The following MAP2K1 variants were observed in gnomAD, a reference collection of about 807,000 sequenced individuals.
MAP2K1 encodes dual specificity mitogen-activated protein kinase kinase 1.
In MAP2K1, 16 loss-of-function variants were observed where a neutral mutation model predicts 46.3. The ratio of observed to expected loss-of-function variants is 0.35; its 90% CI spans 0.23 to 0.52. The LOEUF (loss-of-function observed/expected upper bound fraction) is 0.52, where lower values mean the gene tolerates loss of function less well. Ranked by LOEUF, MAP2K1 falls within the 20% of genes least tolerant of loss-of-function variation. MAP2K1 has a pLI of 0.94. For synonymous variants in MAP2K1, 183 were observed against 185.6 expected (o/e 0.99, Z 0.11); for missense variants, 263 against 497.1 (o/e 0.53, Z 4.48).
chr15:66,480,061 C>T (rs1025933716), intron 5 of MAP2K1, among the ~76,000 whole-genome samples: 8 of 151,466 alleles, frequency 5.3e-5, no homozygotes, highest in East Asian at 3.9e-4. Flanking sequence ...TGCGCCACCA[C>T]GCTAATTTTT....
At chr15:66,430,520 C>T (rs554179765) in intron 1 of MAP2K1, among the ~76,000 whole-genome samples, 2 of 152,160 alleles carry the variant, frequency 1.3e-5, no homozygotes, top group Non-Finnish European at 2.9e-5. Flanking sequence ...CTACCTCCTC[C>T]TGTCATTCCT....
intron 1 of MAP2K1, among the ~76,000 whole-genome samples, chr15:66,414,097 T>G (rs1469196767): frequency 6.6e-6 from 1 of 152,064 alleles, no homozygotes; most frequent in Non-Finnish European, 1.5e-5. Context: ...ACTGAGTAGC[T>G]CCACACGTAG....
chr15:66,391,392 C>G (rs1321581298), intron 1 of MAP2K1, among the ~76,000 whole-genome samples: 1 of 152,192 alleles, frequency 6.6e-6, no homozygotes, highest in Non-Finnish European at 1.5e-5. Flanking sequence ...AGGTTCATGC[C>G]ATTCTCCTGC....
chr15:66,467,518 A>G (rs894502045), intron 5 of MAP2K1, among the ~76,000 whole-genome samples: 2 of 152,104 alleles, frequency 1.3e-5, no homozygotes, highest in African/African-American at 4.8e-5. Flanking sequence ...AGACTTAGCT[A>G]TTTTCACTAA....
chr15:66,403,431 G>A (rs904616737), intron 1 of MAP2K1, among the ~76,000 whole-genome samples: 5 of 152,144 alleles, frequency 3.3e-5, no homozygotes, highest in African/African-American at 1.2e-4. Context: ...ATCCTTAGTA[G>A]GAGGGCCTAT....
chr15:66,456,092 C>G (rs1416551735), intron 5 of MAP2K1, among the ~76,000 whole-genome samples: 2 of 152,084 alleles, frequency 1.3e-5, no homozygotes, highest in Non-Finnish European at 1.5e-5. Context: ...GTCTTTTCCC[C>G]CATCAAAGAG....
rs150443079 is a variant in MAP2K1 at position 66,394,229 on chromosome 15, G to A, written c.80+6802G>A. ...GGGTTCACTGCTTGGCCTTAGTAGC[G>A]TTCATGATTTTGGATTTTGAATTGT... On this transcript the variant is annotated intron_variant, in intron 1 of 10. Coordinates refer to ENST00000307102, the MANE Select transcript of MAP2K1 (RefSeq NM_002755.4). Among the ~76,000 whole-genome samples the A allele has an allele frequency of 3.8e-3, 572 of 152,246 alleles. 4 individuals are homozygous for A. The highest frequency in any genetic ancestry group is 6.9e-3 in the Non-Finnish European group (471 of 68,024).
chr15:66,458,281 C>T (rs1050007873), intron 5 of MAP2K1, among the ~76,000 whole-genome samples: 4 of 152,148 alleles, frequency 2.6e-5, no homozygotes, highest in African/African-American at 9.7e-5. Context: ...TTATCAAGGC[C>T]TTATTTTGAC....
In MAP2K1 at chr15:66,435,112, C is replaced by T. The variant is rs1567009083; in HGVS notation, c.166C>T (p.Gln56Ter). ...QRKRLEAFLTQKQKVGELKDD... is the reference protein window; with the variant it reads ...QRKRLEAFLT ...AAAGCGCCTTGAGGCCTTTCTTACC[C>T]AGAAGCAGAAGGTGGGAGAACTGAA... is the stretch of plus-strand genomic sequence containing the variant. The change falls in exon 2 of 11, where the codon CAG becomes TAG. Residue 56 changes from glutamine (Q) to a stop codon, truncating the protein, a stop_gained. Coordinates refer to ENST00000307102, the MANE Select transcript of MAP2K1 (RefSeq NM_002755.4). LOFTEE classifies it high-confidence loss of function. 6.2e-7 allele frequency: 1 copy of T among 1,614,106 alleles called. No homozygotes were observed. The highest frequency in any genetic ancestry group is 8.5e-7 in the Non-Finnish European group (1 of 1,179,982).
chr15:66,419,173 C>A (rs756899105), intron 1 of MAP2K1, among the ~76,000 whole-genome samples: 1 of 151,358 alleles, frequency 6.6e-6, no homozygotes, highest in Admixed American at 6.6e-5. Flanking sequence ...TCCCCCCTCT[C>A]CCTCCAAACT....
At chr15:66,445,138 G>C (rs899758762) in intron 5 of MAP2K1, among the ~76,000 whole-genome samples, 2 of 147,756 alleles carry the variant, frequency 1.4e-5, no homozygotes, top group Admixed American at 1.4e-4. Context: ...TTGGGAGGCC[G>C]AGGGGCAGCG....
rs74442421 is a variant in MAP2K1, at chr15:66,437,295, G to A, written c.438+403G>A. 4.4e-3 allele frequency among the ~76,000 whole-genome samples: 669 copies of A among 152,314 alleles called. 3 individuals carry two copies. The highest frequency in any genetic ancestry group is 0.016 in the African/African-American group (654 of 41,560). The stretch of plus-strand genomic sequence containing the variant: ...TAATCTACTGTAAGGGCAGCCTGAA[G>A]GGTTTCTCTGGGTTTCTGTATGATG... On this transcript the variant is annotated intron_variant, in intron 3 of 10. Transcript: ENST00000307102.
intron 6 of MAP2K1, among the ~76,000 whole-genome samples, chr15:66,483,893 G>A (rs953267921): frequency 8.4e-4 from 126 of 150,774 alleles, no homozygotes; most frequent in Admixed American, 8.1e-3. Context: ...AACTACAGGC[G>A]TGTGCCACCA....
At chr15:66,460,039 G>A (rs1385818073) in intron 5 of MAP2K1, among the ~76,000 whole-genome samples, 1 of 152,190 alleles carries the variant, frequency 6.6e-6, no homozygotes, top group Admixed American at 6.5e-5. Flanking sequence ...TTGAAACACA[G>A]AAGGTTGCCC....
At chr15:66,400,848 C>T (rs11071889) in intron 1 of MAP2K1, among the ~76,000 whole-genome samples, 150,318 of 152,320 alleles carry the variant, frequency 0.99, 74,198 homozygotes, top group East Asian at 1. Context: ...AAGAAGAGGT[C>T]ACCTGGAGGT....
At chr15:66,396,388 G>A (rs571885218) in intron 1 of MAP2K1, among the ~76,000 whole-genome samples, 7 of 152,100 alleles carry the variant, frequency 4.6e-5, no homozygotes, top group African/African-American at 7.2e-5. Context: ...TCCTGCCTCG[G>A]CCTCCCAAGT....
chr15:66,401,151 T>A (rs1292829762), intron 1 of MAP2K1, among the ~76,000 whole-genome samples: 10 of 152,178 alleles, frequency 6.6e-5, no homozygotes. Context: ...TGACACTTTG[T>A]TGATTATTAG....
intron 5 of MAP2K1, among the ~76,000 whole-genome samples, chr15:66,469,632 C>T (rs1892564519): frequency 6.9e-6 from 1 of 144,314 alleles, no homozygotes; most frequent in Non-Finnish European, 1.5e-5. Context: ...AAATTTGTCT[C>T]AAAAAAAGAC....
intron 1 of MAP2K1, among the ~76,000 whole-genome samples, chr15:66,402,275 G>A (rs1339095320): frequency 6.6e-6 from 1 of 152,016 alleles, no homozygotes; most frequent in African/African-American, 2.4e-5. Context: ...TCCCCCTTTT[G>A]TGATTAACTC....
Sources: gnomAD v4.1 joint callset for allele counts (sites outside exome capture counted in the v4.1 genomes callset) on GRCh38, gnomAD v4.1.1 for gene constraint, MANE v1.5 for transcripts, NCBI Gene and HGNC (gene_info 2026-07-23, HGNC 2026-07-21) for gene names.